SLC23A2: variants seen among roughly 807,000 people sequenced by gnomAD.
SLC23A2 encodes the protein Na(+)/L-ascorbic acid transporter 2.
A neutral mutation model predicts 73.3 loss-of-function variants in SLC23A2; 36 were observed. That is an observed-to-expected ratio of 0.49 (90% CI 0.38 to 0.65). The LOEUF is 0.65. Ranked by LOEUF, SLC23A2 falls within the 30% of genes least tolerant of loss-of-function variation. The probability of loss-of-function intolerance (pLI) is 0.00; values close to 1 mark genes in which losing one functional copy is unlikely to be tolerated. For synonymous variants in SLC23A2, 343 were observed against 327.3 expected, an observed-to-expected ratio of 1.05 and a Z score of -0.52; for missense variants, 507 against 841.6, an observed-to-expected ratio of 0.60 and a Z score of 4.92.
intron 2 of SLC23A2, among the ~76,000 whole-genome samples, chr20:4,939,857 G>A (rs574170648): frequency 1.3e-5 from 2 of 152,092 alleles, no homozygotes. Flanking sequence ...TATTACTGAG[G>A]GACATAAAAA....
chr20:4,854,283 C>T lies in SLC23A2; in HGVS notation c.*2689G>A, dbSNP rs889287447. On this transcript the variant is annotated 3_prime_UTR_variant, in exon 17 of 17. Coordinates refer to ENST00000338244, the MANE Select transcript of SLC23A2 (RefSeq NM_005116.6). Reference sequence around the variant, plus strand: ...ACCGTGTCCCCCAATATCTCCCCTTCAGGTGTGTGCTTAAACCCAAGAAGC... The same window carrying T: ...ACCGTGTCCCCCAATATCTCCCCTTTAGGTGTGTGCTTAAACCCAAGAAGC... 1.3e-5 allele frequency: 2 copies of T among 152,240 alleles called. No individual in the cohort carries two copies. Among genetic ancestry groups the T allele is most frequent in the Non-Finnish European group, 2.9e-5 (2 of 68,050 alleles). The allele number at this position is 152,240 out of a possible 1,614,324, so 9.4% of individuals were successfully genotyped here.
intron 2 of SLC23A2, among the ~76,000 whole-genome samples, chr20:4,950,021 A>G (rs574515337): frequency 6.6e-6 from 1 of 152,186 alleles, no homozygotes; most frequent in African/African-American, 2.4e-5. Context: ...AAAATTGTAT[A>G]ACCGCACCAC....
chr20:4,882,758 C>T (rs1930941978), intron 9 of SLC23A2, among the ~76,000 whole-genome samples: 1 of 152,196 alleles, frequency 6.6e-6, no homozygotes, highest in Non-Finnish European at 1.5e-5. Flanking sequence ...ATATAAAGGA[C>T]TGATGCATAG....
At chr20:4,983,395 C>G (rs1255964683) in intron 1 of SLC23A2, among the ~76,000 whole-genome samples, 1 of 152,114 alleles carries the variant, frequency 6.6e-6, no homozygotes, top group Non-Finnish European at 1.5e-5. Context: ...GCCTGTAATC[C>G]CAGCACTTCG....
At chr20:5,005,786 G>A, upstream of SLC23A2, among the ~76,000 whole-genome samples, 1 of 152,066 alleles carries the variant, frequency 6.6e-6, no homozygotes, top group East Asian at 1.9e-4. Context: ...TCAGGAGTTC[G>A]AGACCAGCCT....
At chr20:4,997,411 T>C (rs761486173) in intron 1 of SLC23A2, among the ~76,000 whole-genome samples, 1 of 151,314 alleles carries the variant, frequency 6.6e-6, no homozygotes, top group African/African-American at 2.4e-5. Flanking sequence ...CTCAGAATGA[T>C]CCTTCTCCCA....
chr20:4,905,843 C>T lies in SLC23A2; in HGVS notation c.208-3285G>A, dbSNP rs534344898. On this transcript the variant is annotated intron_variant, in intron 4 of 16. Transcript: ENST00000338244. ...GATGCAGCCTTAGGCAATAGGTAAA[C>T]AAAGAAATGTGGCTGTGTTCCAGCA... is the stretch of plus-strand genomic sequence containing the variant. Among the ~76,000 whole-genome samples, 24 of 152,130 alleles carry T rather than the reference C, an allele frequency of 1.6e-4. 1 individual carries two copies. In the South Asian group the frequency reaches 2.5e-3, roughly 16 times the overall value.
Position 4,863,044 on chromosome 20 carries a change from C to T in SLC23A2, c.1357-137G>A, listed in dbSNP as rs958688210. On this transcript the variant is annotated intron_variant, in intron 13 of 16. Transcript: ENST00000338244. The surrounding 1 kb of genome is among the most constrained non-coding windows in gnomAD (Gnocchi z 4.8). ...CCTCCTCCTCAGCCCACTCTTCTCACCTCCACTGTGGGGACCCTGAGGGCC... is the reference window on the plus strand; with the variant it reads ...CCTCCTCCTCAGCCCACTCTTCTCATCTCCACTGTGGGGACCCTGAGGGCC... The T allele has an allele frequency of 1.1e-5, 9 of 811,224 alleles. No homozygotes were observed. Among genetic ancestry groups the T allele is most frequent in the Non-Finnish European group, 1.7e-5 (9 of 523,794 alleles). 50.3% of individuals were successfully genotyped at this position (811,224 alleles called of 1,614,324 possible). A position where few individuals can be genotyped will look rare whatever the true frequency, so the allele number is the denominator to read the frequency against.
chr20:4,860,371 T>A lies in SLC23A2; in HGVS notation c.1625-987A>T, dbSNP rs188620153. ...CTCATCCTGTAAACAAGAGTCCTTT[T>A]TGCGGACTATGTAGTGCCATGTCTG... On this transcript the variant is annotated intron_variant, in intron 15 of 16. Coordinates refer to ENST00000338244, the MANE Select transcript of SLC23A2 (RefSeq NM_005116.6). Among the ~76,000 whole-genome samples the A allele has an allele frequency of 9.5e-3, 1,440 of 152,354 alleles. 12 individuals are homozygous for A. The highest frequency in any genetic ancestry group is 0.014 in the Middle Eastern group (4 of 294).
At chr20:4,954,590 C>A (rs1045152053) in intron 2 of SLC23A2, among the ~76,000 whole-genome samples, 1 of 149,114 alleles carries the variant, frequency 6.7e-6, no homozygotes, top group Admixed American at 6.8e-5. Flanking sequence ...CCCAGCTACT[C>A]GGTAAGCTGA....
At chr20:4,937,726 T>G (rs921305102) in intron 2 of SLC23A2, among the ~76,000 whole-genome samples, 2 of 152,298 alleles carry the variant, frequency 1.3e-5, no homozygotes, top group African/African-American at 4.8e-5. Context: ...GACATAAAAC[T>G]GCCCTTTAAA....
chr20:4,901,487 C>T (rs1013660103), intron 5 of SLC23A2, among the ~76,000 whole-genome samples: 1 of 152,194 alleles, frequency 6.6e-6, no homozygotes, highest in Non-Finnish European at 1.5e-5. Flanking sequence ...ACCCTCCCCA[C>T]GTTGTCCCCT....
intron 9 of SLC23A2, among the ~76,000 whole-genome samples, chr20:4,879,118 T>G (rs1275039664): frequency 6.6e-6 from 1 of 152,158 alleles, no homozygotes; most frequent in Non-Finnish European, 1.5e-5. Flanking sequence ...TAAAGATCCT[T>G]CTATACAGCC....
intron 4 of SLC23A2, among the ~76,000 whole-genome samples, chr20:4,910,713 G>C (rs574824940): frequency 6.6e-6 from 1 of 152,294 alleles, no homozygotes; most frequent in East Asian, 1.9e-4. Flanking sequence ...TGTGATTGCA[G>C]GCATGAGCCA....
At chr20:4,915,154 C>T (rs923723171) in intron 3 of SLC23A2, among the ~76,000 whole-genome samples, 4 of 152,116 alleles carry the variant, frequency 2.6e-5, no homozygotes, top group Admixed American at 2.0e-4. Flanking sequence ...ATTGTAATGA[C>T]CCCACCACTT....
At chr20:4,887,050 C>T (rs1392239725) in intron 6 of SLC23A2, among the ~76,000 whole-genome samples, 2 of 152,194 alleles carry the variant, frequency 1.3e-5, no homozygotes, top group African/African-American at 4.8e-5. Flanking sequence ...CAGATGCTCT[C>T]CTGGCTGTTT....
rs75727692 is a variant in SLC23A2 at position 4,931,305 on chromosome 20, A to C, written c.108+1150T>G. ...GGCTACAGTGAGTCTTAATTGTGCC[A>C]CTGCATTCCAACTCGGGTGACACAG... On this transcript the variant is annotated intron_variant, in intron 3 of 16. Transcript: ENST00000338244. 9.9e-3 allele frequency among the ~76,000 whole-genome samples: 1,505 copies of C among 152,232 alleles called. 16 individuals carry two copies. Among genetic ancestry groups the C allele is most frequent in the African/African-American group, 0.035 (1,436 of 41,538 alleles).
chr20:4,923,625 C>A (rs1027447643), intron 3 of SLC23A2, among the ~76,000 whole-genome samples: 2 of 152,196 alleles, frequency 1.3e-5, no homozygotes, highest in African/African-American at 4.8e-5. Context: ...ATCTATTATT[C>A]TTACAGAAAG....
chr20:4,896,600 G>T (rs1478890059), intron 6 of SLC23A2, among the ~76,000 whole-genome samples: 1 of 152,162 alleles, frequency 6.6e-6, no homozygotes, highest in Non-Finnish European at 1.5e-5. Context: ...ATTCAAAGCA[G>T]GAAGGGACCC....
Sources: gnomAD v4.1 joint callset for allele counts (sites outside exome capture counted in the v4.1 genomes callset) on GRCh38, gnomAD v4.1.1 for gene constraint, Gnocchi (gnomAD v3.1) non-coding constraint, MANE v1.5 for transcripts, NCBI Gene and HGNC (gene_info 2026-07-23, HGNC 2026-07-21) for gene names.